Variants in TMC1 observed in about 807,000 individuals in gnomAD.
The protein encoded by TMC1 is transmembrane channel-like protein 1.
Under a neutral mutation model 105.8 loss-of-function variants are expected in TMC1, and 84 were observed. The ratio of observed to expected loss-of-function variants is 0.79; its 90% CI spans 0.67 to 0.95. The LOEUF is 0.95. TMC1 is among the 40% of genes least tolerant of loss of function. The probability of loss-of-function intolerance (pLI) is 0.00; values close to 1 mark genes in which losing one functional copy is unlikely to be tolerated. For synonymous variants in TMC1, 315 were observed against 311.5 expected (o/e 1.01, Z -0.12); for missense variants, 817 against 914.1 (o/e 0.89, Z 1.37).
At chr9:72,725,841 C>A (rs1378965602) in intron 8 of TMC1, among the ~76,000 whole-genome samples, 11 of 152,092 alleles carry the variant, frequency 7.2e-5, no homozygotes, top group Admixed American at 6.6e-4. Context: ...CAGGTGGCCG[C>A]CACCATGCCC....
chr9:72,591,915 G>C (rs775611592), intron 2 of TMC1, among the ~76,000 whole-genome samples: 1 of 152,142 alleles, frequency 6.6e-6, no homozygotes, highest in East Asian at 1.9e-4. Context: ...TTAGTAGGTC[G>C]TGGATGGGGC....
At chr9:72,695,525 C>G (rs1826533932) in intron 7 of TMC1, among the ~76,000 whole-genome samples, 1 of 145,312 alleles carries the variant, frequency 6.9e-6, no homozygotes, top group Admixed American at 7.0e-5. Context: ...TGTTCCACAA[C>G]TCACAGGTAA....
At chr9:72,547,142 C>T (rs1379343528) in intron 1 of TMC1, among the ~76,000 whole-genome samples, 2 of 152,098 alleles carry the variant, frequency 1.3e-5, no homozygotes, top group East Asian at 3.9e-4. Flanking sequence ...CAAAAATCAG[C>T]TGGGTGCGTT....
At chr9:72,539,869 T>C (rs1823646151) in intron 1 of TMC1, among the ~76,000 whole-genome samples, 1 of 152,208 alleles carries the variant, frequency 6.6e-6, no homozygotes, top group African/African-American at 2.4e-5. Flanking sequence ...AGGGGTTTAT[T>C]TGGCTCACAG....
chr9:72,754,977 GCTGAATGT>G, intron 12 of TMC1, 93 bp downstream of exon 12: 1 of 718,928 alleles, frequency 1.4e-6, no homozygotes, highest in Non-Finnish European at 2.3e-6. Flanking sequence ...CCTGGGTCAG[GCTGAATGT>G]CTTAAGAAAG....
At chr9:72,807,200 G>T (rs1165878048) in intron 18 of TMC1, among the ~76,000 whole-genome samples, 2 of 152,224 alleles carry the variant, frequency 1.3e-5, no homozygotes, top group African/African-American at 4.8e-5. Flanking sequence ...CGAGATGGCA[G>T]CAGTACAGTC....
At chr9:72,772,978 G>A (rs1191741879) in intron 13 of TMC1, among the ~76,000 whole-genome samples, 2 of 152,226 alleles carry the variant, frequency 1.3e-5, no homozygotes, top group Admixed American at 6.5e-5. Flanking sequence ...AAAAAAACCA[G>A]AATAATCACT....
At chr9:72,536,631 C>G (rs1823590580) in intron 1 of TMC1, among the ~76,000 whole-genome samples, 2 of 152,178 alleles carry the variant, frequency 1.3e-5, no homozygotes, top group Non-Finnish European at 2.9e-5. Flanking sequence ...CGCGCCTGGC[C>G]AGACATTAAT....
intron 4 of TMC1, among the ~76,000 whole-genome samples, chr9:72,636,627 G>A (rs960673263): frequency 6.8e-6 from 1 of 147,844 alleles, no homozygotes; most frequent in African/African-American, 2.5e-5. Context: ...AGAATTCCTC[G>A]AACCTGGGAC....
chr9:72,627,357 A>G (rs75987121), intron 3 of TMC1, among the ~76,000 whole-genome samples: 1 of 152,018 alleles, frequency 6.6e-6, no homozygotes, highest in Admixed American at 6.6e-5. Context: ...TGCTTATCCC[A>G]GTGGGGGTCA....
chr9:72,752,790 G>A (rs1174330047), intron 11 of TMC1, among the ~76,000 whole-genome samples: 1 of 152,104 alleles, frequency 6.6e-6, no homozygotes, highest in African/African-American at 2.4e-5. Context: ...GGTTTTGGGT[G>A]ACTTTTTATC....
intron 8 of TMC1, among the ~76,000 whole-genome samples, chr9:72,707,150 A>G (rs977085862): frequency 2.0e-5 from 3 of 152,100 alleles, no homozygotes; most frequent in Admixed American, 6.6e-5. Context: ...TTCTTTATCC[A>G]TTCATTGACT....
At chr9:72,529,549 ATATG>A (rs1823463311) in intron 1 of TMC1, among the ~76,000 whole-genome samples, 1 of 152,134 alleles carries the variant, frequency 6.6e-6, no homozygotes, top group African/African-American at 2.4e-5. Flanking sequence ...AAATGTGTAT[ATATG>A]TGTGTGTGTT....
chr9:72,631,700 T>C (rs983611058), intron 4 of TMC1, among the ~76,000 whole-genome samples: 1 of 152,210 alleles, frequency 6.6e-6, no homozygotes, highest in African/African-American at 2.4e-5. Flanking sequence ...GAGAGCACTC[T>C]GGTGCTTCCA....
intron 2 of TMC1, among the ~76,000 whole-genome samples, chr9:72,607,219 A>G (rs1824936599): frequency 6.6e-6 from 1 of 152,094 alleles, no homozygotes; most frequent in African/African-American, 2.4e-5. Context: ...GGTACATGGT[A>G]GGTACCATGG....
At chr9:72,733,928 C>G (rs1303756284) in intron 8 of TMC1, among the ~76,000 whole-genome samples, 2 of 152,064 alleles carry the variant, frequency 1.3e-5, no homozygotes, top group African/African-American at 4.8e-5. Flanking sequence ...TTTGGCATAT[C>G]CAAATTGCCA....
At chr9:72,682,309 A>G (rs1249908996) in intron 5 of TMC1, among the ~76,000 whole-genome samples, 2 of 152,202 alleles carry the variant, frequency 1.3e-5, no homozygotes, top group African/African-American at 2.4e-5. Flanking sequence ...CTGTCTCATT[A>G]AATCTTATCC....
chr9:72,619,060 A>G (rs368198822), intron 3 of TMC1, among the ~76,000 whole-genome samples: 1 of 152,176 alleles, frequency 6.6e-6, no homozygotes. Flanking sequence ...GTTTTCAGAT[A>G]CAGAGCAGAA....
intron 19 of TMC1, among the ~76,000 whole-genome samples, chr9:72,816,746 G>C (rs1828794222): frequency 1.3e-5 from 2 of 152,142 alleles, no homozygotes. Flanking sequence ...TAGGGCCATG[G>C]CACATCAGAA....
Sources: gnomAD v4.1 joint callset for allele counts (sites outside exome capture counted in the v4.1 genomes callset) on GRCh38, gnomAD v4.1.1 for gene constraint, MANE v1.5 for transcripts, NCBI Gene and HGNC (gene_info 2026-07-23, HGNC 2026-07-21) for gene names.